KIAA1217: variants seen among roughly 807,000 people sequenced by gnomAD.
The protein encoded by KIAA1217 is KIAA1217.
A neutral mutation model predicts 163.9 loss-of-function variants in KIAA1217; 88 were observed. The observed-to-expected ratio is 0.54, with a 90% confidence interval of 0.45 to 0.64. The LOEUF is 0.64. Among genes scored for constraint, KIAA1217 ranks in the 30% least tolerant of loss-of-function variants. KIAA1217 has a pLI of 0.00. For synonymous variants in KIAA1217, 903 were observed against 923.1 expected, an observed-to-expected ratio of 0.98 and a Z score of 0.39; for missense variants, 2,372 against 2,475.0, an observed-to-expected ratio of 0.96 and a Z score of 0.88.
intron 2 of KIAA1217, among the ~76,000 whole-genome samples, chr10:24,361,982 C>CAAAAAAAAAAAA (rs68117028): frequency 3.0e-5 from 3 of 100,534 alleles, no homozygotes; most frequent in Non-Finnish European, 5.9e-5. Flanking sequence ...GACTCTGTCT[C>CAAAAAAAAAAAA]AAAAAAAAAA....
chr10:24,306,541 C>T (rs935583585), intron 2 of KIAA1217, among the ~76,000 whole-genome samples: 5 of 152,162 alleles, frequency 3.3e-5, no homozygotes, highest in African/African-American at 1.2e-4. Flanking sequence ...AAGGGTGACT[C>T]CCTGGCCACC....
chr10:24,208,925 G>C (rs756294646), upstream of KIAA1217: 22 of 373,374 alleles, frequency 5.9e-5, no homozygotes, highest in African/African-American at 1.3e-4. Context: ...AGTCCCCGGA[G>C]AGCGCGCCTG....
chr10:24,470,526 T>C (rs1462962512), intron 5 of KIAA1217, among the ~76,000 whole-genome samples: 1 of 152,092 alleles, frequency 6.6e-6, no homozygotes, highest in East Asian at 1.9e-4. Context: ...AGAGAGACCC[T>C]GGAGTGAGGA....
At chr10:23,733,075 G>A (rs1055293815) in intron 1 of KIAA1217, among the ~76,000 whole-genome samples, 6 of 151,336 alleles carry the variant, frequency 4.0e-5, no homozygotes, top group South Asian at 4.2e-4. Context: ...GTGCAGTGGC[G>A]CGATCTCAGT....
intron 1 of KIAA1217, among the ~76,000 whole-genome samples, chr10:23,900,920 T>G (rs893477591): frequency 2.6e-5 from 4 of 152,036 alleles, no homozygotes; most frequent in Non-Finnish European, 4.4e-5. Context: ...AAAGCTTCAG[T>G]GGAGATTAGG....
intron 2 of KIAA1217, among the ~76,000 whole-genome samples, chr10:24,047,490 C>G (rs1849121230): frequency 6.6e-6 from 1 of 152,180 alleles, no homozygotes. Context: ...CTCAAGAGCT[C>G]ATATCCTGCA....
intron 2 of KIAA1217, among the ~76,000 whole-genome samples, chr10:24,083,670 T>C (rs1003811688): frequency 1.9e-4 from 29 of 152,316 alleles, no homozygotes; most frequent in Admixed American, 9.2e-4. Context: ...CCAATGTTAA[T>C]GAGATTATGG....
At chr10:24,275,297 A>G (rs2077159905) in intron 2 of KIAA1217, among the ~76,000 whole-genome samples, 1 of 152,164 alleles carries the variant, frequency 6.6e-6, no homozygotes. Context: ...CATTTTAAAT[A>G]GTGAAGTCAC....
chr10:23,954,227 C>A (rs748924456), intron 1 of KIAA1217, among the ~76,000 whole-genome samples: 1 of 151,968 alleles, frequency 6.6e-6, no homozygotes, highest in Non-Finnish European at 1.5e-5. Flanking sequence ...ACCCAGCAGG[C>A]AGAAAAATTA....
intron 1 of KIAA1217, among the ~76,000 whole-genome samples, chr10:23,810,933 A>T (rs1836999136): frequency 8.4e-6 from 1 of 118,800 alleles, no homozygotes; most frequent in South Asian, 2.3e-4. Flanking sequence ...TATAGTATAT[A>T]TACTATAGTA....
chr10:24,448,052 C>T (rs1047444679), intron 5 of KIAA1217, among the ~76,000 whole-genome samples: 4 of 152,094 alleles, frequency 2.6e-5, no homozygotes, highest in African/African-American at 9.7e-5. Context: ...ATCACTTGAA[C>T]CCCGGAGGCA....
At chr10:24,408,496 TC>T (rs2057442988) in intron 3 of KIAA1217, among the ~76,000 whole-genome samples, 1 of 152,074 alleles carries the variant, frequency 6.6e-6, no homozygotes, top group Non-Finnish European at 1.5e-5. Flanking sequence ...ATCACACCTT[TC>T]CTCTATTCAA....
chr10:24,467,802 ATGTGTGTGTGTATGTGTG>A (rs2063104225), intron 5 of KIAA1217, among the ~76,000 whole-genome samples: 1 of 136,626 alleles, frequency 7.3e-6, no homozygotes, highest in African/African-American at 2.8e-5. Context: ...GTGTATGTGT[ATGTGTGTGTGTATGTGTG>A]TGTGTGTGTG....
intron 6 of KIAA1217, among the ~76,000 whole-genome samples, chr10:24,480,460 TG>T (rs2064536682): frequency 6.6e-6 from 1 of 152,204 alleles, no homozygotes; most frequent in Admixed American, 6.5e-5. Context: ...CCAGAGTGCC[TG>T]GGTTCAAATC....
chr10:23,772,887 G>A (rs1834856843), intron 1 of KIAA1217, among the ~76,000 whole-genome samples: 1 of 152,176 alleles, frequency 6.6e-6, no homozygotes, highest in Admixed American at 6.5e-5. Context: ...GAGATCAAGT[G>A]TAGTACACAC....
intron 9 of KIAA1217, among the ~76,000 whole-genome samples, chr10:24,511,103 C>T (rs1362718885): frequency 2.9e-5 from 4 of 135,782 alleles, no homozygotes; most frequent in Admixed American, 1.6e-4. Context: ...CAGTGAGCTG[C>T]GATCACACCA....
At chr10:24,406,486 T>C (rs1417144620) in intron 3 of KIAA1217, among the ~76,000 whole-genome samples, 1 of 152,124 alleles carries the variant, frequency 6.6e-6, no homozygotes, top group Non-Finnish European at 1.5e-5. Context: ...TAGTTGCACA[T>C]GTTTGTTGAC....
At chr10:23,902,729 A>G (rs547967261) in intron 1 of KIAA1217, among the ~76,000 whole-genome samples, 97 of 152,230 alleles carry the variant, frequency 6.4e-4, no homozygotes, top group Non-Finnish European at 1.1e-3. Flanking sequence ...TTGATGTGCA[A>G]TTAAGTTAAG....
chr10:24,078,136 G>T (rs914657797), intron 2 of KIAA1217, among the ~76,000 whole-genome samples: 1 of 152,164 alleles, frequency 6.6e-6, no homozygotes, highest in African/African-American at 2.4e-5. Flanking sequence ...CATTCTGTAG[G>T]TTGTCTGTAA....
Sources: allele counts gnomAD v4.1 joint callset (sites outside exome capture counted in the v4.1 genomes callset), GRCh38; gene constraint gnomAD v4.1.1; transcripts MANE v1.5; gene names NCBI Gene and HGNC (gene_info 2026-07-23, HGNC 2026-07-21).